LOXL2: variants seen among roughly 807,000 people sequenced by gnomAD.
LOXL2 encodes lysyl oxidase like 2.
A neutral mutation model predicts 93.0 loss-of-function variants in LOXL2; 70 were observed. That is an observed-to-expected ratio of 0.75 (90% CI 0.62 to 0.92). LOXL2 has a LOEUF of 0.92. Among genes scored for constraint, LOXL2 ranks in the 40% least tolerant of loss-of-function variants. LOXL2 has a pLI of 0.00. For synonymous variants in LOXL2, 438 were observed against 413.2 expected (o/e 1.06, Z -0.73); for missense variants, 973 against 1,054.9 (o/e 0.92, Z 1.08).
chr8:23,386,300 G>A, intron 1 of LOXL2, among the ~76,000 whole-genome samples: 1 of 152,208 alleles, frequency 6.6e-6, no homozygotes, highest in East Asian at 1.9e-4. Context: ...GGCTGAGGCA[G>A]GAGACTTGCT....
At chr8:23,328,740 T>TGTGG in intron 5 of LOXL2, 175 bp from the exon 6 acceptor site, 1 of 630,954 alleles carries the variant, frequency 1.6e-6, no homozygotes, top group Non-Finnish European at 2.8e-6. Flanking sequence ...TGTGTGTGTG[T>TGTGG]GTGTGTCGTG....
chr8:23,378,761 T>C (rs1408984255), intron 1 of LOXL2, among the ~76,000 whole-genome samples: 1 of 152,238 alleles, frequency 6.6e-6, no homozygotes, highest in Non-Finnish European at 1.5e-5. Flanking sequence ...ATTCGTCACG[T>C]AGTTCTCGTG....
intron 8 of LOXL2, among the ~76,000 whole-genome samples, chr8:23,317,618 C>G (rs1353088807): frequency 6.6e-6 from 1 of 152,210 alleles, no homozygotes. Context: ...AGACGAACTT[C>G]TGAATTTAGA....
intron 1 of LOXL2, among the ~76,000 whole-genome samples, chr8:23,387,272 T>C (rs1804778992): frequency 6.6e-6 from 1 of 152,202 alleles, no homozygotes; most frequent in Non-Finnish European, 1.5e-5. Flanking sequence ...ATGATTCTAG[T>C]ATAAGCTTTG....
intron 8 of LOXL2, among the ~76,000 whole-genome samples, chr8:23,317,817 A>G (rs1057513916): frequency 6.6e-6 from 1 of 152,174 alleles, no homozygotes; most frequent in African/African-American, 2.4e-5. Flanking sequence ...TGGGATCGTC[A>G]GGTACAGAAA....
intron 8 of LOXL2, 129 bp from the exon 9 acceptor site, chr8:23,317,243 G>A (rs1019391924): frequency 2.8e-5 from 27 of 970,960 alleles, no homozygotes; most frequent in South Asian, 5.5e-5. Flanking sequence ...GAAACAGCAC[G>A]GAGGGTCACC....
At chr8:23,303,474 T>G (rs1423299667) in intron 10 of LOXL2, 77 bp from the exon 11 acceptor site, 2 of 851,204 alleles carry the variant, frequency 2.3e-6, no homozygotes, top group East Asian at 4.9e-5. Flanking sequence ...TGGCTGGCGA[T>G]TTGCCTCTGG....
chr8:23,381,641 C>T (rs1197523705), intron 1 of LOXL2, among the ~76,000 whole-genome samples: 1 of 152,210 alleles, frequency 6.6e-6, no homozygotes, highest in African/African-American at 2.4e-5. Context: ...GTCTCCCTGC[C>T]TTATACCCCT....
intron 1 of LOXL2, among the ~76,000 whole-genome samples, chr8:23,396,362 G>A (rs1482040057): frequency 6.6e-6 from 1 of 150,794 alleles, no homozygotes; most frequent in East Asian, 1.9e-4. Context: ...AAAAAAACGA[G>A]AGAGAGATCA....
chr8:23,386,162 A>C, intron 1 of LOXL2: 1 of 658,418 alleles, frequency 1.5e-6, no homozygotes, highest in East Asian at 2.7e-5. Context: ...AGACACCCTT[A>C]TTCACTAATT....
At chr8:23,377,678 C>T (rs1464633786) in intron 1 of LOXL2, among the ~76,000 whole-genome samples, 1 of 152,136 alleles carries the variant, frequency 6.6e-6, no homozygotes, top group Non-Finnish European at 1.5e-5. Flanking sequence ...GAATTGATCC[C>T]TTTACCATTA....
chr8:23,321,239 A>G (rs1296588866), intron 7 of LOXL2, among the ~76,000 whole-genome samples: 1 of 152,148 alleles, frequency 6.6e-6, no homozygotes, highest in Non-Finnish European at 1.5e-5. Flanking sequence ...GGCCAGGAAA[A>G]CACATGGTCA....
chr8:23,395,880 C>G, intron 1 of LOXL2, among the ~76,000 whole-genome samples: 1 of 151,916 alleles, frequency 6.6e-6, no homozygotes, highest in East Asian at 1.9e-4. Flanking sequence ...TACCCTGTTG[C>G]CCAGGCTGGT....
intron 1 of LOXL2, among the ~76,000 whole-genome samples, chr8:23,379,322 C>T (rs1373658378): frequency 6.6e-6 from 1 of 152,184 alleles, no homozygotes; most frequent in Non-Finnish European, 1.5e-5. Context: ...GGTACCCAGC[C>T]GTGTGAGGTG....
At chr8:23,300,687 G>A (rs1803114966) in intron 12 of LOXL2, among the ~76,000 whole-genome samples, 1 of 152,208 alleles carries the variant, frequency 6.6e-6, no homozygotes, top group African/African-American at 2.4e-5. Flanking sequence ...GAGTTGATAT[G>A]TCTGGGGTTG....
intron 10 of LOXL2, among the ~76,000 whole-genome samples, chr8:23,304,794 G>A (rs1803202667): frequency 6.6e-6 from 1 of 152,186 alleles, no homozygotes. Context: ...GCAGGCAGGA[G>A]CTCCTCACTT....
intron 8 of LOXL2, 100 bp from the exon 9 acceptor site, chr8:23,317,214 T>A: frequency 7.5e-7 from 1 of 1,337,078 alleles, no homozygotes; most frequent in Non-Finnish European, 1.1e-6. Context: ...CAATGTTTCA[T>A]GATCCCATTT....
chr8:23,356,982 C>T (rs1563200829), intron 3 of LOXL2, among the ~76,000 whole-genome samples: 1 of 152,134 alleles, frequency 6.6e-6, no homozygotes, highest in East Asian at 1.9e-4. Flanking sequence ...AACAAATGCC[C>T]AGAATAAAGG....
Position 23,309,845 on chromosome 8 carries a change from A to T in LOXL2, c.1703T>A (p.Met568Lys), listed in dbSNP as rs761153354. The T allele has an allele frequency of 2.5e-6, 4 of 1,591,278 alleles. No individual in the cohort carries two copies. The South Asian group carries it at 4.5e-5, about 18-fold the overall frequency. The change falls in exon 10 of 14, where the codon ATG (methionine) becomes AAG (lysine). Residue 568 changes from methionine to lysine, a missense_variant. By Grantham distance (95) the Met-to-Lys change is moderately conservative. Coordinates refer to ENST00000389131, the MANE Select transcript of LOXL2 (RefSeq NM_002318.3). The stretch of plus-strand genomic sequence containing the variant: ...CTCCATGGCACACTGCAGCATGAAC[A>T]TGGGCCGGTCCTCCAGGTAGGTGGT... ...QQTTYLEDRP[M>K]FMLQCAMEEN... is the part of the protein sequence containing the mutation.
Sources: allele counts gnomAD v4.1 joint callset (sites outside exome capture counted in the v4.1 genomes callset), GRCh38; gene constraint gnomAD v4.1.1; transcripts MANE v1.5; gene names NCBI Gene and HGNC (gene_info 2026-07-23, HGNC 2026-07-21).